Variants in NSMAF observed in about 807,000 individuals in gnomAD.
NSMAF encodes the protein neutral sphingomyelinase activation associated factor.
In NSMAF, 90 loss-of-function variants were observed where a neutral mutation model predicts 134.9. The observed-to-expected ratio is 0.67, with a 90% CI of 0.56 to 0.79. The LOEUF (loss-of-function observed/expected upper bound fraction) is 0.79, where lower values mean the gene tolerates loss of function less well. Ranked by LOEUF, NSMAF falls within the 30% of genes least tolerant of loss-of-function variation. The pLI, the probability that NSMAF is intolerant of heterozygous loss-of-function variation, is 0.00. For missense variants in NSMAF, 1,010 were observed against 1,119.0 expected (o/e 0.90, Z 1.39); for synonymous variants, 358 against 389.6 (o/e 0.92, Z 0.96).
At chr8:58,636,214 T>C (rs568497420) in intron 2 of NSMAF, among the ~76,000 whole-genome samples, 3 of 152,338 alleles carry the variant, frequency 2.0e-5, no homozygotes, top group East Asian at 3.9e-4. Context: ...TCTACAATTG[T>C]CAATATGTGG....
At position 58,587,613 on chromosome 8, in the gene NSMAF, C is replaced by T. The variant is rs764535692; in HGVS notation, c.2295+5G>A. On this transcript the variant is annotated splice_donor_5th_base_variant and intron_variant, in intron 27 of 30. Coordinates refer to ENST00000038176, the MANE Select transcript of NSMAF (RefSeq NM_003580.4). The stretch of plus-strand genomic sequence containing the variant: ...TTTTCTGTACAGTTTGTTGCTGGTA[C>T]TCACACTGACATCATGTTCCAGCTC... 1 of 1,613,386 alleles carries T rather than the reference C, an allele frequency of 6.2e-7. No individual in the cohort carries two copies. Among genetic ancestry groups the T allele is most frequent in the South Asian group, 1.1e-5 (1 of 91,048 alleles).
chr8:58,640,913 T>A (rs1713741292), intron 2 of NSMAF, among the ~76,000 whole-genome samples: 1 of 152,076 alleles, frequency 6.6e-6, no homozygotes, highest in African/African-American at 2.4e-5. Flanking sequence ...TTCTTTTTTA[T>A]TTTTATTTAT....
At chr8:58,606,172 T>A in intron 11 of NSMAF, 137 bp from the exon 12 acceptor site, 1 of 730,092 alleles carries the variant, frequency 1.4e-6, no homozygotes, top group Non-Finnish European at 2.1e-6. Context: ...ATTTTCAATC[T>A]ATAAATTTAA....
At chr8:58,590,129 C>T in intron 24 of NSMAF, 55 bp from the exon 25 acceptor site, 4 of 1,450,174 alleles carry the variant, frequency 2.8e-6, no homozygotes, top group Non-Finnish European at 3.9e-6. Flanking sequence ...AAGTCTCTAA[C>T]ACAGTAAAGC....
chr8:58,585,300 T>C (rs1805856255), intron 30 of NSMAF, among the ~76,000 whole-genome samples: 1 of 150,132 alleles, frequency 6.7e-6, no homozygotes, highest in African/African-American at 2.5e-5. Flanking sequence ...TTGTAGTTCC[T>C]ATTGTATTGT....
At chr8:58,607,187 A>T (rs985927731) in intron 11 of NSMAF, among the ~76,000 whole-genome samples, 1 of 152,256 alleles carries the variant, frequency 6.6e-6, no homozygotes, top group Non-Finnish European at 1.5e-5. Context: ...AACACTTGGA[A>T]TCATACCTTC....
chr8:58,625,519 C>A lies in NSMAF; in HGVS notation c.385-1739G>T, dbSNP rs143879961. The stretch of plus-strand genomic sequence containing the variant: ...ATTATTTATCTTTCTGATAAATTGA[C>A]CCTTTTATCATTACATAATATCCTT... On this transcript the variant is annotated intron_variant, in intron 6 of 30. Transcript: ENST00000038176. Among the ~76,000 whole-genome samples the A allele has an allele frequency of 5.7e-3, 864 of 152,196 alleles. 7 individuals carry two copies. Among genetic ancestry groups the A allele is most frequent in the African/African-American group, 0.02 (810 of 41,520 alleles).
Position 58,656,976 on chromosome 8 carries a change from C to G in NSMAF, c.59+2597G>C, listed in dbSNP as rs1249709144. Among the ~76,000 whole-genome samples, 3 of 151,988 alleles carry G rather than the reference C, an allele frequency of 2.0e-5. No homozygotes were observed. The East Asian group carries it at 5.8e-4, about 29-fold the overall frequency. On this transcript the variant is annotated intron_variant, in intron 1 of 30. Coordinates refer to ENST00000038176, the MANE Select transcript of NSMAF (RefSeq NM_003580.4). ...CAATTACTTATACTAAAAAATTATT[C>G]ATTGTTTATCTGAAATTCGAACTTA...
At chr8:58,589,873 A>C (rs1805982776) in intron 25 of NSMAF, 134 bp downstream of exon 25, 2 of 705,052 alleles carry the variant, frequency 2.8e-6, no homozygotes. Flanking sequence ...TACTGTCCTC[A>C]TCTCTAATAT....
At position 58,589,505 on chromosome 8, in the gene NSMAF, T is replaced by C; in HGVS notation, c.2158A>G (p.Ile720Val). 1.3e-6 allele frequency: 2 copies of C among 1,566,980 alleles called. No homozygotes were observed. The highest frequency in any genetic ancestry group is 1.7e-6 in the Non-Finnish European group (2 of 1,164,454). The change falls in exon 26 of 31, where the codon ATC (isoleucine) becomes GTC (valine). Residue 720 changes from isoleucine to valine, a missense_variant. Transcript: ENST00000038176. ...LMGHDDAVSK[I>V]CWHDNRLYSA... ...TATAGCCTGTTGTCATGCCAACAGA[T>C]CTTACTAACAGCATCATCATGTCCC...
At position 58,600,007 on chromosome 8, in the gene NSMAF, C is replaced by G. The variant is rs182845818; in HGVS notation, c.1295G>C (p.Trp432Ser). ...CGTTGCACCATCCAGACAGTTTTTCCAAGTTTCTGCAATACTACATATGAA... is the reference window on the plus strand; with the variant it reads ...CGTTGCACCATCCAGACAGTTTTTCGAAGTTTCTGCAATACTACATATGAA... ...DRMFNSIAET[W>S]KNCLDGATDF... The change falls in exon 17 of 31, where the codon TGG (tryptophan) becomes TCG (serine). Residue 432 changes from tryptophan (W) to serine (S), a missense_variant. Trp to Ser is a radical substitution (Grantham distance 177). Coordinates refer to ENST00000038176, the MANE Select transcript of NSMAF (RefSeq NM_003580.4). The G allele has an allele frequency of 5.2e-5, 84 of 1,613,416 alleles. No homozygotes were observed. The highest frequency in any genetic ancestry group is 5.0e-4 in the Middle Eastern group (3 of 6,044).
At chr8:58,584,832 T>C (rs1250307098) in intron 30 of NSMAF, among the ~76,000 whole-genome samples, 1 of 152,114 alleles carries the variant, frequency 6.6e-6, no homozygotes, top group Non-Finnish European at 1.5e-5. Context: ...AGAGATGAGG[T>C]TTCGCTATGT....
rs143706617 is a variant in NSMAF, at chr8:58,634,124, C to T, written c.333+1065G>A. ...GGAGGTGGACCAGAATTATTAATAACGATGTTTGGTCCCCAGAGCAGTAGA... is the reference window on the plus strand; with the variant it reads ...GGAGGTGGACCAGAATTATTAATAATGATGTTTGGTCCCCAGAGCAGTAGA... On this transcript the variant is annotated intron_variant, in intron 5 of 30. Transcript: ENST00000038176. Among the ~76,000 whole-genome samples, 862 of 152,132 alleles carry T rather than the reference C, an allele frequency of 5.7e-3. 7 individuals are homozygous for T. The highest frequency in any genetic ancestry group is 0.019 in the African/African-American group (807 of 41,504).
At chr8:58,657,863 G>T (rs1807755099) in intron 1 of NSMAF, among the ~76,000 whole-genome samples, 1 of 152,190 alleles carries the variant, frequency 6.6e-6, no homozygotes, top group Non-Finnish European at 1.5e-5. Flanking sequence ...AGTTCTCTCT[G>T]AACACTGCCA....
intron 9 of NSMAF, among the ~76,000 whole-genome samples, chr8:58,615,247 TA>T (rs1239187727): frequency 2.0e-5 from 3 of 152,244 alleles, no homozygotes; most frequent in Non-Finnish European, 1.5e-5. Flanking sequence ...CTGACAATTT[TA>T]ACATCCTTCT....
intron 9 of NSMAF, among the ~76,000 whole-genome samples, chr8:58,615,286 A>C (rs981738929): frequency 1.3e-5 from 2 of 152,194 alleles, no homozygotes; most frequent in South Asian, 4.1e-4. Flanking sequence ...CAAGTCAACA[A>C]AAAAAATTAA....
intron 23 of NSMAF, among the ~76,000 whole-genome samples, chr8:58,593,590 A>G (rs1806067272): frequency 6.6e-6 from 1 of 152,212 alleles, no homozygotes; most frequent in African/African-American, 2.4e-5. Flanking sequence ...GTGCCAACAC[A>G]GTGCTCTCAA....
chr8:58,586,939 G>A (rs1250533742), intron 27 of NSMAF, among the ~76,000 whole-genome samples: 1 of 152,194 alleles, frequency 6.6e-6, no homozygotes, highest in Non-Finnish European at 1.5e-5. Flanking sequence ...CAAAGTGCCT[G>A]AAGCACAGCC....
intron 1 of NSMAF, among the ~76,000 whole-genome samples, chr8:58,652,648 G>T (rs757639150): frequency 6.6e-6 from 1 of 152,248 alleles, no homozygotes; most frequent in South Asian, 2.1e-4. Context: ...ACCCCAGGGG[G>T]ACAAGGCACA....
Sources: allele counts gnomAD v4.1 joint callset (sites outside exome capture counted in the v4.1 genomes callset), GRCh38; gene constraint gnomAD v4.1.1; transcripts MANE v1.5; gene names NCBI Gene and HGNC (gene_info 2026-07-23, HGNC 2026-07-21).